ANTXR2: variants seen among roughly 807,000 people sequenced by gnomAD.
ANTXR2 encodes anthrax toxin receptor 2.
In ANTXR2, 44 loss-of-function variants were observed where a neutral mutation model predicts 73.7. That is an observed-to-expected ratio of 0.60 (90% CI 0.47 to 0.77). The LOEUF (loss-of-function observed/expected upper bound fraction) is 0.77, where lower values mean the gene tolerates loss of function less well. Among genes scored for constraint, ANTXR2 ranks in the 30% least tolerant of loss-of-function variants. ANTXR2 has a pLI of 0.00. For missense variants in ANTXR2, 604 were observed against 592.5 expected (o/e 1.02, Z -0.20); for synonymous variants, 217 against 205.9 (o/e 1.05, Z -0.46).
At chr4:79,918,312 C>T (rs574515497) in intron 16 of ANTXR2, among the ~76,000 whole-genome samples, 1 of 152,078 alleles carries the variant, frequency 6.6e-6, no homozygotes, top group African/African-American at 2.4e-5. Context: ...ATGCTCAGAA[C>T]TTCCTAGAAT....
intron 16 of ANTXR2, among the ~76,000 whole-genome samples, chr4:79,911,797 CTTT>C (rs1156834784): frequency 6.6e-6 from 1 of 151,640 alleles, no homozygotes; most frequent in African/African-American, 2.4e-5. Flanking sequence ...TTCTAAATAA[CTTT>C]TTTGATTTAA....
intron 3 of ANTXR2, among the ~76,000 whole-genome samples, chr4:80,064,959 T>C (rs1172013062): frequency 1.3e-5 from 2 of 152,222 alleles, no homozygotes; most frequent in Non-Finnish European, 2.9e-5. Context: ...GTAGCCAATA[T>C]ACTGCTTGCA....
chr4:80,030,467 C>A (rs962118417), intron 10 of ANTXR2, among the ~76,000 whole-genome samples: 2 of 152,044 alleles, frequency 1.3e-5, no homozygotes, highest in Non-Finnish European at 2.9e-5. Context: ...AAGAAACTGA[C>A]TTGCCTCAAA....
At chr4:80,065,432 A>G (rs529325005) in intron 3 of ANTXR2, among the ~76,000 whole-genome samples, 4 of 152,220 alleles carry the variant, frequency 2.6e-5, no homozygotes, top group Non-Finnish European at 4.4e-5. Context: ...CAGGTTCCAC[A>G]GTACTCAATG....
chr4:79,959,703 T>C (rs1042873029), intron 16 of ANTXR2, among the ~76,000 whole-genome samples: 2 of 152,188 alleles, frequency 1.3e-5, no homozygotes, highest in Non-Finnish European at 1.5e-5. Flanking sequence ...AGAAAAGTTA[T>C]ATAACTACAA....
intron 10 of ANTXR2, 43 bp from the exon 11 acceptor site, chr4:80,019,019 C>T (rs1435935435): frequency 2.3e-6 from 3 of 1,282,958 alleles, no homozygotes; most frequent in Non-Finnish European, 3.1e-6. Context: ...CATTTAAAAC[C>T]AGAGGAGTAG....
chr4:80,046,384 C>T (rs1187498706), intron 7 of ANTXR2, among the ~76,000 whole-genome samples: 1 of 151,654 alleles, frequency 6.6e-6, no homozygotes, highest in South Asian at 2.1e-4. Flanking sequence ...TCGTTGTTGT[C>T]TTTGGTCACC....
rs368118795 is a variant in ANTXR2, at chr4:79,907,452, A to G, written c.1444T>C (p.Phe482Leu). 6.2e-7 allele frequency: 1 copy of G among 1,613,304 alleles called. No homozygotes were observed. The highest frequency in any genetic ancestry group is 8.5e-7 in the Non-Finnish European group (1 of 1,179,500). Residue 482 changes from phenylalanine to leucine, a missense_variant, in exon 17 of 17, where the codon TTC becomes CTC. Physicochemically the swap from Phe to Leu is conservative, Grantham distance 22 (BLOSUM62 0). Transcript: ENST00000403729. Reference protein sequence around the residue: ...QEGDEGRCINFSRVPSQ With the variant: ...QEGDEGRCINLSRVPSQ ...TTTTACTGAGATGGAACTCGGGAGA[A>G]GTTTATGCACCGGCCCTGAAGAAAG...
At chr4:80,014,057 C>T (rs1199179427) in intron 11 of ANTXR2, among the ~76,000 whole-genome samples, 1 of 152,170 alleles carries the variant, frequency 6.6e-6, no homozygotes, top group Admixed American at 6.5e-5. Context: ...TGTACTGCTG[C>T]CCTCTCTTCA....
At chr4:80,028,887 G>A (rs1301372113) in intron 10 of ANTXR2, among the ~76,000 whole-genome samples, 3 of 152,072 alleles carry the variant, frequency 2.0e-5, no homozygotes, top group Non-Finnish European at 1.5e-5. Context: ...AACATACTAA[G>A]TAAAATAAAT....
At chr4:79,973,821 T>G (rs1729525860) in intron 16 of ANTXR2, among the ~76,000 whole-genome samples, 1 of 152,162 alleles carries the variant, frequency 6.6e-6, no homozygotes, top group Non-Finnish European at 1.5e-5. Flanking sequence ...ATTTCTCAAG[T>G]TGTCTAAAAG....
intron 16 of ANTXR2, among the ~76,000 whole-genome samples, chr4:79,973,797 G>A (rs1265322725): frequency 1.3e-5 from 2 of 152,160 alleles, no homozygotes; most frequent in African/African-American, 4.8e-5. Context: ...AAAATGTGGG[G>A]GATGGGGGTG....
chr4:80,072,332 C>G, intron 1 of ANTXR2, 77 bp downstream of exon 1: 3 of 1,434,116 alleles, frequency 2.1e-6, no homozygotes, highest in Non-Finnish European at 2.8e-6. Context: ...GGGGTGCGCA[C>G]ACGCATCTCA....
chr4:79,919,745 G>A (rs1727494137), intron 16 of ANTXR2, among the ~76,000 whole-genome samples: 1 of 151,490 alleles, frequency 6.6e-6, no homozygotes. Context: ...TCAGTTTGCA[G>A]ATGGCCTATT....
In ANTXR2 at chr4:80,008,443, G is replaced by T. The variant is rs1038274822; in HGVS notation, c.1041+78C>A. 2.6e-5 allele frequency: 29 copies of T among 1,095,014 alleles called. No individual in the cohort carries two copies. The South Asian group carries it at 4.1e-4, about 15-fold the overall frequency. The allele number at this position is 1,095,014 out of a possible 1,614,324, so 67.8% of individuals were successfully genotyped here. A position where few individuals can be genotyped will look rare whatever the true frequency, so the allele number is the denominator to read the frequency against. On this transcript the variant is annotated intron_variant, in intron 12 of 16. Transcript: ENST00000403729. ...CTGAAACTTTGCTGTTATTAACATG[G>T]CATTTATTCATATTTCAGACCTTAC...
At chr4:80,058,307 T>C (rs1202114421) in intron 3 of ANTXR2, among the ~76,000 whole-genome samples, 1 of 152,036 alleles carries the variant, frequency 6.6e-6, no homozygotes, top group Non-Finnish European at 1.5e-5. Flanking sequence ...GTTTGCGGTT[T>C]TTCTATCTGT....
chr4:79,944,857 C>T (rs566176633), intron 16 of ANTXR2, among the ~76,000 whole-genome samples: 1 of 152,186 alleles, frequency 6.6e-6, no homozygotes, highest in African/African-American at 2.4e-5. Flanking sequence ...CAAAGTGACG[C>T]CTGCGAACAG....
chr4:79,944,592 T>TA (rs539566883), intron 16 of ANTXR2, among the ~76,000 whole-genome samples: 8 of 151,292 alleles, frequency 5.3e-5, no homozygotes, highest in South Asian at 4.2e-4. Context: ...GCATTCACAA[T>TA]AAAAAAAAAT....
intron 16 of ANTXR2, among the ~76,000 whole-genome samples, chr4:79,963,696 G>T (rs1729236805): frequency 6.6e-6 from 1 of 152,050 alleles, no homozygotes; most frequent in African/African-American, 2.4e-5. Context: ...CGTTACTATA[G>T]AATCTTTATT....
Sources: gnomAD v4.1 joint callset for allele counts (sites outside exome capture counted in the v4.1 genomes callset) on GRCh38, gnomAD v4.1.1 for gene constraint, MANE v1.5 for transcripts, NCBI Gene and HGNC (gene_info 2026-07-23, HGNC 2026-07-21) for gene names.